ZFHX3: variants seen among roughly 807,000 people sequenced by gnomAD.
ZFHX3 encodes the protein zinc finger homeobox 3, also known as zinc finger homeobox protein 3.
ZFHX3 carries 42 observed loss-of-function variants against 279.1 expected under a neutral mutation model. That is an observed-to-expected ratio of 0.15 (90% CI 0.12 to 0.19). ZFHX3 has a LOEUF of 0.19. ZFHX3 is among the 10% of genes least tolerant of loss of function. The pLI is 1.00. For synonymous variants in ZFHX3, 2,293 were observed against 1,957.8 expected, an observed-to-expected ratio of 1.17 and a Z score of -4.52; for missense variants, 4,981 against 4,754.0, an observed-to-expected ratio of 1.05 and a Z score of -1.40.
chr16:73,134,188 T>A (rs1374372761), intron 6 of ZFHX3, among the ~76,000 whole-genome samples: 1 of 152,086 alleles, frequency 6.6e-6, no homozygotes, highest in Non-Finnish European at 1.5e-5. Context: ...ACCCAGCAAG[T>A]CTGACTTCAG....
intron 2 of ZFHX3, among the ~76,000 whole-genome samples, chr16:73,540,492 T>C (rs977540152): frequency 1.3e-5 from 2 of 152,228 alleles, no homozygotes; most frequent in African/African-American, 4.8e-5. Flanking sequence ...TATGCCTCCA[T>C]TGTCCAGCCT....
At chr16:73,609,623 T>G (rs2052225269) in intron 2 of ZFHX3, 1 of 150,914 alleles carries the variant, frequency 6.6e-6, no homozygotes, top group African/African-American at 2.4e-5. Context: ...AGCAGGAAAA[T>G]CATAGGTAAC....
At chr16:72,862,474 C>T (rs1007003800) in intron 4 of ZFHX3, among the ~76,000 whole-genome samples, 4 of 152,092 alleles carry the variant, frequency 2.6e-5, no homozygotes, top group African/African-American at 9.7e-5. Flanking sequence ...AAGGAGTAGC[C>T]CAGCTAATAA....
chr16:73,782,695 A>G (rs1357599545), intron 1 of ZFHX3, among the ~76,000 whole-genome samples: 1 of 152,148 alleles, frequency 6.6e-6, no homozygotes, highest in Non-Finnish European at 1.5e-5. Context: ...AGAAGCATTA[A>G]AAGTTGGCGC....
intron 3 of ZFHX3, among the ~76,000 whole-genome samples, chr16:73,355,644 G>A (rs2016327149): frequency 6.6e-6 from 1 of 152,158 alleles, no homozygotes; most frequent in African/African-American, 2.4e-5. Context: ...AGGAAACTGA[G>A]GCACAGCAGG....
At chr16:72,833,514 GAA>G (rs893869465) in intron 4 of ZFHX3, among the ~76,000 whole-genome samples, 1 of 152,130 alleles carries the variant, frequency 6.6e-6, no homozygotes, top group African/African-American at 2.4e-5. Flanking sequence ...CTTTCCTACA[GAA>G]AAAGAGACCA....
Position 72,786,443 on chromosome 16 carries a change from G to GCTTAA in ZFHX3, c.*716_*720dup, listed in dbSNP as rs760827427. 4.5e-4 allele frequency: 66 copies of GCTTAA among 147,550 alleles called. No homozygotes were observed. Among genetic ancestry groups the GCTTAA allele is most frequent in the Non-Finnish European group, 8.5e-4 (57 of 67,030 alleles). The allele number at this position is 147,550 out of a possible 1,614,324, so 9.1% of individuals were successfully genotyped here. A position where few individuals can be genotyped will look rare whatever the true frequency, so the allele number is the denominator to read the frequency against. Reference sequence around the variant, plus strand: ...TTTTTTTTTTTTTGAAAGTGGGAGTGCTTAACTTTTCCCCTTGAAATTGGC... The same window carrying GCTTAA: ...TTTTTTTTTTTTTGAAAGTGGGAGTGCTTAACTTAACTTTTCCCCTTGAAATTGGC... On this transcript the variant is annotated 3_prime_UTR_variant, in exon 10 of 10. Coordinates refer to ENST00000268489, the MANE Select transcript of ZFHX3 (RefSeq NM_006885.4).
intron 1 of ZFHX3, among the ~76,000 whole-genome samples, chr16:73,804,885 C>A (rs328386): frequency 0.08 from 10,357 of 129,696 alleles, 999 homozygotes; most frequent in African/African-American, 0.25. Flanking sequence ...ACACACACAC[C>A]CACACCAAAG....
intron 7 of ZFHX3, among the ~76,000 whole-genome samples, chr16:73,094,728 T>C (rs1298725905): frequency 6.6e-6 from 1 of 152,162 alleles, no homozygotes; most frequent in Non-Finnish European, 1.5e-5. Flanking sequence ...TTGTTATTTT[T>C]TGATGGAGTC....
At chr16:73,707,764 A>C (rs1020315745) in intron 1 of ZFHX3, among the ~76,000 whole-genome samples, 1 of 131,250 alleles carries the variant, frequency 7.6e-6, no homozygotes, top group Non-Finnish European at 1.7e-5. Context: ...AAAAAAAAAA[A>C]CAGGAGAAAC....
Position 73,403,098 on chromosome 16 carries a change from G to A in ZFHX3, c.-1291+52905C>T, listed in dbSNP as rs112344135. ...TGTGCATGTGTGTGCACGTGTGGGCGCACGGTCCACCTGGTGGGCTGGCTG... is the reference window on the plus strand; with the variant it reads ...TGTGCATGTGTGTGCACGTGTGGGCACACGGTCCACCTGGTGGGCTGGCTG... On this transcript the variant is annotated intron_variant, in intron 3 of 17. Transcript: ENST00000641206. 5.5e-3 allele frequency among the ~76,000 whole-genome samples: 831 copies of A among 152,210 alleles called. 6 individuals are homozygous for A. Among genetic ancestry groups the A allele is most frequent in the African/African-American group, 0.019 (772 of 41,528 alleles).
chr16:73,476,395 G>A (rs1001871781), intron 2 of ZFHX3, among the ~76,000 whole-genome samples: 5 of 152,118 alleles, frequency 3.3e-5, no homozygotes, highest in East Asian at 1.9e-4. Context: ...GATTTACAAA[G>A]AAACTCTTCA....
chr16:73,269,303 T>A (rs982153543), intron 4 of ZFHX3, among the ~76,000 whole-genome samples: 12 of 152,186 alleles, frequency 7.9e-5, no homozygotes, highest in Admixed American at 3.3e-4. Context: ...CCCTGAACAT[T>A]CTTTCTTGTT....
chr16:72,787,632 G>A lies in ZFHX3; in HGVS notation c.10644C>T (p.Leu3548=), dbSNP rs765840615. 73 of 1,612,414 alleles carry A rather than the reference G, an allele frequency of 4.5e-5. No homozygotes were observed. Among genetic ancestry groups the A allele is most frequent in the East Asian group, 1.6e-4 (7 of 44,718 alleles). ...TTCTGTGTTTGTGCAAGGCCGACTC[G>A]AGATGTTGACTCAGAGCTTCCTCCC... ...LCGEEALSQH[L]ESALHKHRTI... Residue 3548 remains leucine, a synonymous_variant, in exon 10 of 10, where the codon CTC becomes CTT. Transcript: ENST00000268489.
At chr16:73,352,057 A>C (rs114783359) in intron 3 of ZFHX3, among the ~76,000 whole-genome samples, 1 of 152,232 alleles carries the variant, frequency 6.6e-6, no homozygotes, top group East Asian at 1.9e-4. Context: ...AAAGACCACA[A>C]TGTTCCTTCC....
intron 3 of ZFHX3, among the ~76,000 whole-genome samples, chr16:73,331,747 T>C (rs2015809311): frequency 6.6e-6 from 1 of 152,224 alleles, no homozygotes; most frequent in Non-Finnish European, 1.5e-5. Flanking sequence ...AACTTGAGTC[T>C]TATGCAGAGA....
chr16:73,256,288 A>T (rs1270144046), intron 5 of ZFHX3, among the ~76,000 whole-genome samples: 1 of 152,216 alleles, frequency 6.6e-6, no homozygotes, highest in Non-Finnish European at 1.5e-5. Flanking sequence ...AAGGTAATAC[A>T]GCCATCAGAT....
Position 72,822,796 on chromosome 16 carries a change from T to TTG in ZFHX3, c.3529+6982_3529+6983insCA, listed in dbSNP as rs2036830730. Among the ~76,000 whole-genome samples, 3 of 12,618 alleles carry TTG rather than the reference T, an allele frequency of 2.4e-4. No homozygotes were observed. The African/African-American group carries it at 3.0e-3, about 13-fold the overall frequency. 8.3% of individuals were successfully genotyped at this position (12,618 alleles called of 152,430 possible). A position where few individuals can be genotyped will look rare whatever the true frequency, so the allele number is the denominator to read the frequency against. On this transcript the variant is annotated intron_variant, in intron 5 of 9. Transcript: ENST00000268489. ...TATGACAACACTTCTAGAAAGTGAG[T>TTG]TTTTTTTTTTTTTTTTTTTTGCATG...
intron 6 of ZFHX3, among the ~76,000 whole-genome samples, chr16:73,137,105 T>C (rs974178575): frequency 2.0e-5 from 3 of 152,294 alleles, no homozygotes; most frequent in African/African-American, 4.8e-5. Context: ...CACTAGACTT[T>C]GATATTTCAG....
Sources: allele counts gnomAD v4.1 joint callset (sites outside exome capture counted in the v4.1 genomes callset), GRCh38; gene constraint gnomAD v4.1.1; transcripts MANE v1.5; gene names NCBI Gene and HGNC (gene_info 2026-07-23, HGNC 2026-07-21).